The following KLHL13 variants were observed in gnomAD, a reference collection of about 807,000 sequenced individuals.
KLHL13 encodes the protein kelch-like protein 13.
Under a neutral mutation model 37.1 loss-of-function variants are expected in KLHL13, and 10 were observed. The ratio of observed to expected loss-of-function variants is 0.27; its 90% CI spans 0.17 to 0.46. KLHL13 has a LOEUF of 0.46. Among genes scored for constraint, KLHL13 ranks in the 20% least tolerant of loss-of-function variants. The pLI is 1.00. For synonymous variants in KLHL13, 163 were observed against 181.2 expected (o/e 0.90, Z 0.81); for missense variants, 360 against 509.3 (o/e 0.71, Z 2.82).
At chrX:118,074,301 A>G (rs1217718706) in intron 1 of KLHL13, among the ~76,000 whole-genome samples, 1 of 112,049 alleles carries the variant, frequency 8.9e-6, no homozygotes, top group African/African-American at 3.2e-5. Flanking sequence ...ATAAGGGTTC[A>G]GAATCTCTTT....
chrX:117,928,521 C>T (rs1932211531), intron 2 of KLHL13, among the ~76,000 whole-genome samples: 1 of 111,801 alleles, frequency 8.9e-6, no homozygotes, highest in Admixed American at 9.5e-5. Context: ...TCTCTGGCCC[C>T]AGCTTAATTA....
intron 1 of KLHL13, among the ~76,000 whole-genome samples, chrX:118,021,062 A>G (rs2054202506): frequency 9.7e-6 from 1 of 103,126 alleles, no homozygotes; most frequent in Non-Finnish European, 2.0e-5. Flanking sequence ...TAGTGGGTGC[A>G]GTGCACCAGC....
At chrX:118,023,252 C>T (rs929219427) in intron 1 of KLHL13, among the ~76,000 whole-genome samples, 1 of 111,110 alleles carries the variant, frequency 9.0e-6, no homozygotes, top group African/African-American at 3.3e-5. Flanking sequence ...TATTTTATTG[C>T]TGCTTAAGGA....
Position 118,020,998 on chromosome X carries a change from G to A in KLHL13, c.-55-75423C>T, listed in dbSNP as rs775173038. On this transcript the variant is annotated intron_variant, in intron 1 of 6. Transcript: ENST00000371882. The stretch of plus-strand genomic sequence containing the variant: ...ACACTCTGGGGACTGTTGTGGGGTG[G>A]GGGGAGGGGGGAGGGATAGCATTGG... 5.0e-3 allele frequency among the ~76,000 whole-genome samples: 280 copies of A among 56,094 alleles called. 3 individuals are homozygous for A. The highest frequency in any genetic ancestry group is 0.017 in the African/African-American group (259 of 14,925). The allele number at this position is 56,094 out of a possible 115,157, so 48.7% of individuals were successfully genotyped here.
rs936151488 is a variant in KLHL13, at chrX:118,048,979, A to G, written c.-56+67529T>C. 2.7e-5 allele frequency among the ~76,000 whole-genome samples: 3 copies of G among 112,165 alleles called. No individual in the cohort carries two copies. In the Admixed American group the frequency reaches 2.9e-4, roughly 11 times the overall value. ...AGTATTTAAGTAATTCACAAATCTA[A>G]TATTTCTCAAGCACCTATCTTAGAT... On this transcript the variant is annotated intron_variant, in intron 1 of 6. Transcript: ENST00000371882.
intron 1 of KLHL13, among the ~76,000 whole-genome samples, chrX:117,954,214 T>C (rs1483342581): frequency 1.8e-5 from 2 of 112,525 alleles, no homozygotes; most frequent in Non-Finnish European, 3.8e-5. Context: ...CTGCTTACCA[T>C]ATTTCAAGAC....
chrX:117,913,190 C>A (rs1931100017), intron 4 of KLHL13, among the ~76,000 whole-genome samples: 1 of 100,880 alleles, frequency 9.9e-6, no homozygotes, highest in Non-Finnish European at 2.0e-5. Context: ...TCATTTTAAT[C>A]CACTTCTCCA....
chrX:118,033,686 C>T (rs1159643465), intron 1 of KLHL13, among the ~76,000 whole-genome samples: 8 of 108,172 alleles, frequency 7.4e-5, no homozygotes, highest in East Asian at 2.9e-4. Flanking sequence ...CATCAACTAA[C>T]GAGCAAAATC....
At chrX:118,046,631 C>A (rs1010405258) in intron 1 of KLHL13, among the ~76,000 whole-genome samples, 1 of 111,716 alleles carries the variant, frequency 9.0e-6, no homozygotes, top group African/African-American at 3.3e-5. Flanking sequence ...AATTACATGT[C>A]TGTATCTAAA....
At chrX:117,982,649 T>A (rs181197017) in intron 1 of KLHL13, among the ~76,000 whole-genome samples, 2 of 112,270 alleles carry the variant, frequency 1.8e-5, no homozygotes, top group Admixed American at 1.9e-4. Context: ...ATGAGGTGAT[T>A]ATTTAAAATG....
intron 1 of KLHL13, among the ~76,000 whole-genome samples, chrX:117,983,956 AT>A (rs2053695098): frequency 8.9e-6 from 1 of 111,851 alleles, no homozygotes; most frequent in African/African-American, 3.2e-5. Context: ...TTCTTTGCTG[AT>A]ATACTTCTTT....
intron 2 of KLHL13, among the ~76,000 whole-genome samples, chrX:117,932,416 ATGAG>A (rs1569419160): frequency 9.0e-6 from 1 of 111,128 alleles, no homozygotes; most frequent in Non-Finnish European, 1.9e-5. Context: ...GATTCCAAAT[ATGAG>A]TGAGAACATG....
At chrX:118,002,745 G>A (rs888086615) in intron 1 of KLHL13, among the ~76,000 whole-genome samples, 52 of 111,113 alleles carry the variant, frequency 4.7e-4, no homozygotes, top group African/African-American at 1.4e-3. Flanking sequence ...CTAAAATAAC[G>A]TACAGGGGCC....
intron 1 of KLHL13, among the ~76,000 whole-genome samples, chrX:118,002,196 A>G (rs1407028352): frequency 8.9e-6 from 1 of 111,820 alleles, no homozygotes; most frequent in African/African-American, 3.2e-5. Flanking sequence ...AGATGGCTAG[A>G]TGGGAAGATG....
intron 1 of KLHL13, among the ~76,000 whole-genome samples, chrX:118,106,155 C>T: frequency 9.3e-6 from 1 of 107,708 alleles, no homozygotes; most frequent in East Asian, 2.9e-4. Flanking sequence ...CTTTGGCCTC[C>T]CAAAGTGCTG....
intron 1 of KLHL13, among the ~76,000 whole-genome samples, chrX:118,055,890 A>T (rs1288704799): frequency 8.9e-6 from 1 of 112,406 alleles, no homozygotes. Context: ...ACCTCTATTC[A>T]ACATTGTGCT....
chrX:117,990,707 C>G (rs1818280637), intron 1 of KLHL13, among the ~76,000 whole-genome samples: 1 of 111,582 alleles, frequency 9.0e-6, no homozygotes, highest in African/African-American at 3.3e-5. Flanking sequence ...GCTGAGCAGT[C>G]AAGAGCAAAA....
At chrX:117,910,311 T>C (rs1782771659) in intron 4 of KLHL13, among the ~76,000 whole-genome samples, 1 of 111,157 alleles carries the variant, frequency 9.0e-6, no homozygotes, top group Non-Finnish European at 1.9e-5. Context: ...TAAAAGAAAA[T>C]GATCAAAGTC....
intron 1 of KLHL13, among the ~76,000 whole-genome samples, chrX:118,110,525 CAT>C (rs891113379): frequency 9.1e-6 from 1 of 109,370 alleles, no homozygotes; most frequent in Non-Finnish European, 1.9e-5. Flanking sequence ...ATTACAGGCA[CAT>C]GTCACCACGC....
Sources: gnomAD v4.1 joint callset for allele counts (sites outside exome capture counted in the v4.1 genomes callset) on GRCh38, gnomAD v4.1.1 for gene constraint, MANE v1.5 for transcripts, NCBI Gene and HGNC (gene_info 2026-07-23, HGNC 2026-07-21) for gene names.